ZNF804B: variants seen among roughly 807,000 people sequenced by gnomAD.
The protein encoded by ZNF804B is zinc finger 804B.
In ZNF804B, 80 loss-of-function variants were observed where a neutral mutation model predicts 101.4. That is an observed-to-expected ratio of 0.79 (90% CI 0.66 to 0.95). ZNF804B has a LOEUF of 0.95. Ranked by LOEUF, ZNF804B falls within the 40% of genes least tolerant of loss-of-function variation. The pLI, the probability that ZNF804B is intolerant of heterozygous loss-of-function variation, is 0.00. For missense variants in ZNF804B, 1,673 were observed against 1,561.9 expected (o/e 1.07, Z -1.20); for synonymous variants, 622 against 558.8 (o/e 1.11, Z -1.59).
At chr7:88,780,940 G>C (rs1158251078) in intron 1 of ZNF804B, among the ~76,000 whole-genome samples, 2 of 151,844 alleles carry the variant, frequency 1.3e-5, no homozygotes, top group Non-Finnish European at 2.9e-5. Context: ...TCTGTTCATG[G>C]GTATGAATAT....
intron 1 of ZNF804B, among the ~76,000 whole-genome samples, chr7:89,024,597 CTT>C (rs71120052): frequency 0.11 from 10,730 of 94,276 alleles, 592 homozygotes; most frequent in Non-Finnish European, 0.13. Context: ...AAAGCTATTA[CTT>C]TTTTTTTTTT....
chr7:88,872,040 T>A (rs1326908785), intron 1 of ZNF804B, among the ~76,000 whole-genome samples: 1 of 152,178 alleles, frequency 6.6e-6, no homozygotes, highest in Non-Finnish European at 1.5e-5. Flanking sequence ...ATGTGTATAA[T>A]GGATTTTCAT....
chr7:89,166,200 A>T (rs1459809086), intron 1 of ZNF804B, among the ~76,000 whole-genome samples: 2 of 152,114 alleles, frequency 1.3e-5, no homozygotes, highest in Non-Finnish European at 2.9e-5. Context: ...ACATAAAGTG[A>T]ATTCCTGTGC....
chr7:88,974,980 G>A (rs1308175910), intron 1 of ZNF804B, among the ~76,000 whole-genome samples: 1 of 151,326 alleles, frequency 6.6e-6, no homozygotes, highest in Non-Finnish European at 1.5e-5. Context: ...ACCTCCAGCA[G>A]TTCTATTGTT....
intron 1 of ZNF804B, among the ~76,000 whole-genome samples, chr7:88,861,015 G>C (rs1181921171): frequency 2.6e-5 from 4 of 152,094 alleles, no homozygotes; most frequent in African/African-American, 9.7e-5. Context: ...CTAAATTTCT[G>C]CCCAGGATGC....
At chr7:88,943,645 G>A (rs570655965) in intron 1 of ZNF804B, among the ~76,000 whole-genome samples, 31 of 151,852 alleles carry the variant, frequency 2.0e-4, no homozygotes, top group African/African-American at 7.2e-4. Flanking sequence ...ATTTCAATGA[G>A]TTCTGATAAA....
chr7:88,796,313 A>G (rs1440548966), intron 1 of ZNF804B, among the ~76,000 whole-genome samples: 1 of 152,180 alleles, frequency 6.6e-6, no homozygotes, highest in Non-Finnish European at 1.5e-5. Flanking sequence ...TGATAATACA[A>G]TGATAAATTA....
At chr7:89,138,075 G>A (rs1318946062) in intron 1 of ZNF804B, among the ~76,000 whole-genome samples, 1 of 152,106 alleles carries the variant, frequency 6.6e-6, no homozygotes, top group Non-Finnish European at 1.5e-5. Context: ...ATTGAGGTTT[G>A]GGAACCTCTG....
chr7:89,010,336 A>G (rs924330856), intron 1 of ZNF804B, among the ~76,000 whole-genome samples: 2 of 152,162 alleles, frequency 1.3e-5, no homozygotes, highest in African/African-American at 2.4e-5. Flanking sequence ...TCATTACAGT[A>G]TTGATTAAGT....
At chr7:89,118,907 G>A (rs1661355894) in intron 1 of ZNF804B, among the ~76,000 whole-genome samples, 1 of 152,164 alleles carries the variant, frequency 6.6e-6, no homozygotes, top group Non-Finnish European at 1.5e-5. Context: ...CGATGATGAT[G>A]GTGATGATGA....
At chr7:88,817,396 A>G (rs1018089365) in intron 1 of ZNF804B, among the ~76,000 whole-genome samples, 11 of 152,092 alleles carry the variant, frequency 7.2e-5, no homozygotes, top group Non-Finnish European at 1.5e-4. Context: ...AATTAAAAAA[A>G]AATTCCACCA....
chr7:88,817,163 A>G (rs1302371278), intron 1 of ZNF804B, among the ~76,000 whole-genome samples: 1 of 152,212 alleles, frequency 6.6e-6, no homozygotes, highest in African/African-American at 2.4e-5. Flanking sequence ...GTTCTCATTC[A>G]TAGTGAGAAC....
intron 1 of ZNF804B, among the ~76,000 whole-genome samples, chr7:89,150,390 G>A (rs547564277): frequency 1.6e-4 from 24 of 152,156 alleles, no homozygotes; most frequent in African/African-American, 3.1e-4. Flanking sequence ...ATATGCACAC[G>A]CATTATTTCT....
intron 1 of ZNF804B, among the ~76,000 whole-genome samples, chr7:89,014,746 A>C (rs898644496): frequency 1.3e-5 from 2 of 152,212 alleles, no homozygotes; most frequent in African/African-American, 4.8e-5. Context: ...TGTATATTCT[A>C]GATGTTAATG....
intron 1 of ZNF804B, among the ~76,000 whole-genome samples, chr7:89,052,326 C>G (rs890518969): frequency 1.3e-5 from 2 of 151,830 alleles, no homozygotes; most frequent in Non-Finnish European, 2.9e-5. Context: ...TGTTTACCAT[C>G]AGTTTTATAA....
chr7:89,001,243 A>G (rs1294728673), intron 1 of ZNF804B, among the ~76,000 whole-genome samples: 1 of 150,952 alleles, frequency 6.6e-6, no homozygotes, highest in African/African-American at 2.4e-5. Context: ...GATAATGCAC[A>G]TGCTAATTAG....
intron 1 of ZNF804B, among the ~76,000 whole-genome samples, chr7:89,192,003 T>A (rs1280208775): frequency 1.3e-5 from 2 of 152,100 alleles, no homozygotes; most frequent in Non-Finnish European, 2.9e-5. Context: ...AAAAAATTGA[T>A]CCTGTTATGT....
chr7:89,083,341 AC>A (rs1306642276), intron 1 of ZNF804B, among the ~76,000 whole-genome samples: 1 of 151,810 alleles, frequency 6.6e-6, no homozygotes, highest in Non-Finnish European at 1.5e-5. Context: ...AAGAAACAAT[AC>A]ATGTTTATAA....
intron 1 of ZNF804B, among the ~76,000 whole-genome samples, chr7:89,077,345 G>A (rs1018401164): frequency 6.6e-6 from 1 of 152,024 alleles, no homozygotes; most frequent in Non-Finnish European, 1.5e-5. Context: ...AAGAAAGAAG[G>A]TTGACATTTT....
Sources: gnomAD v4.1 joint callset for allele counts (sites outside exome capture counted in the v4.1 genomes callset) on GRCh38, gnomAD v4.1.1 for gene constraint, MANE v1.5 for transcripts, NCBI Gene and HGNC (gene_info 2026-07-23, HGNC 2026-07-21) for gene names.